The following PTPRK variants were observed in gnomAD, a reference collection of about 807,000 sequenced individuals.
PTPRK encodes protein tyrosine phosphatase receptor type K, also known as receptor-type tyrosine-protein phosphatase kappa.
A neutral mutation model predicts 178.0 loss-of-function variants in PTPRK; 75 were observed. The ratio of observed to expected loss-of-function variants is 0.42; its 90% confidence interval spans 0.35 to 0.51. The LOEUF is 0.51. Among genes scored for constraint, PTPRK ranks in the 20% least tolerant of loss-of-function variants. PTPRK has a pLI of 0.02. For missense variants in PTPRK, 1,441 were observed against 1,797.8 expected, an observed-to-expected ratio of 0.80 and a Z score of 3.59; for synonymous variants, 637 against 620.6, an observed-to-expected ratio of 1.03 and a Z score of -0.39.
chr6:128,466,129 G>A (rs1849815428), intron 1 of PTPRK, among the ~76,000 whole-genome samples: 1 of 151,936 alleles, frequency 6.6e-6, no homozygotes, highest in African/African-American at 2.4e-5. Context: ...TCAGACTAAG[G>A]GAAAAAAATT....
intron 1 of PTPRK, among the ~76,000 whole-genome samples, chr6:128,495,637 C>T (rs1474381155): frequency 6.6e-6 from 1 of 152,174 alleles, no homozygotes; most frequent in Admixed American, 6.5e-5. Flanking sequence ...CAACAATGTC[C>T]TCCTAACTGG....
intron 15 of PTPRK, chr6:128,000,340 G>GA: frequency 1.6e-6 from 2 of 1,270,656 alleles, no homozygotes; most frequent in South Asian, 1.3e-5. Context: ...CCTGGAGAAG[G>GA]GAAAAAAAAA....
chr6:128,040,146 C>T (rs1189620003), intron 13 of PTPRK, among the ~76,000 whole-genome samples: 3 of 152,056 alleles, frequency 2.0e-5, no homozygotes, highest in Admixed American at 6.6e-5. Context: ...CTCTGTTTTC[C>T]TTCTCTCTAT....
chr6:128,451,353 T>C (rs969655560), intron 1 of PTPRK, among the ~76,000 whole-genome samples: 1 of 152,338 alleles, frequency 6.6e-6, no homozygotes, highest in East Asian at 1.9e-4. Context: ...TGCTCACTGA[T>C]AAAGTTTTAG....
intron 1 of PTPRK, among the ~76,000 whole-genome samples, chr6:128,459,992 C>T (rs1050388807): frequency 2.0e-5 from 3 of 151,994 alleles, no homozygotes; most frequent in South Asian, 2.1e-4. Context: ...AGGTACCACA[C>T]AATTTTAACA....
At chr6:128,356,842 A>G (rs775982257) in intron 2 of PTPRK, among the ~76,000 whole-genome samples, 2 of 152,240 alleles carry the variant, frequency 1.3e-5, no homozygotes, top group Admixed American at 1.3e-4. Context: ...GACAACCAGG[A>G]TCAGAGTTGA....
intron 7 of PTPRK, among the ~76,000 whole-genome samples, chr6:128,176,312 A>G (rs149549711): frequency 1.3e-5 from 2 of 152,014 alleles, no homozygotes; most frequent in African/African-American, 2.4e-5. Context: ...AGGTAATAAT[A>G]AACTGTTTTA....
chr6:128,073,323 C>A (rs1783177784), intron 11 of PTPRK, among the ~76,000 whole-genome samples: 1 of 151,874 alleles, frequency 6.6e-6, no homozygotes, highest in African/African-American at 2.4e-5. Flanking sequence ...AAAATAAATT[C>A]AGAAAACCAA....
At chr6:128,056,729 T>C (rs565513577) in intron 13 of PTPRK, among the ~76,000 whole-genome samples, 96 of 152,242 alleles carry the variant, frequency 6.3e-4, no homozygotes, top group Non-Finnish European at 1.2e-3. Flanking sequence ...TGGCTAGAAA[T>C]ATGCTTTTAA....
chr6:128,270,268 T>G (rs1331584736), intron 3 of PTPRK, among the ~76,000 whole-genome samples: 1 of 152,112 alleles, frequency 6.6e-6, no homozygotes, highest in Non-Finnish European at 1.5e-5. Flanking sequence ...AGCAGTAAGA[T>G]TATATTCTAA....
chr6:128,305,725 C>T (rs1411176393), intron 3 of PTPRK, among the ~76,000 whole-genome samples: 1 of 152,126 alleles, frequency 6.6e-6, no homozygotes, highest in Non-Finnish European at 1.5e-5. Flanking sequence ...TAATAGCATC[C>T]TTTAAACTTT....
intron 27 of PTPRK, among the ~76,000 whole-genome samples, chr6:127,975,827 C>T (rs1158872214): frequency 6.6e-6 from 1 of 152,034 alleles, no homozygotes; most frequent in Non-Finnish European, 1.5e-5. Context: ...ATGCCACCAC[C>T]ATGTCCAGCT....
chr6:128,182,771 C>T (rs946343189), intron 7 of PTPRK, among the ~76,000 whole-genome samples: 8 of 152,060 alleles, frequency 5.3e-5, no homozygotes, highest in Non-Finnish European at 1.0e-4. Flanking sequence ...GGCTTCAAAA[C>T]ACAATATTAT....
chr6:128,255,511 C>A (rs752282407), intron 3 of PTPRK, among the ~76,000 whole-genome samples: 5 of 152,154 alleles, frequency 3.3e-5, no homozygotes, highest in Non-Finnish European at 7.3e-5. Flanking sequence ...ACTGAAAGAG[C>A]CACTCAAATG....
intron 1 of PTPRK, among the ~76,000 whole-genome samples, chr6:128,423,338 T>C (rs1480714943): frequency 6.6e-6 from 1 of 152,180 alleles, no homozygotes; most frequent in East Asian, 1.9e-4. Flanking sequence ...AATTATATAC[T>C]GAATATGCTT....
At chr6:128,188,156 C>G (rs1288804017) in intron 6 of PTPRK, among the ~76,000 whole-genome samples, 1 of 152,058 alleles carries the variant, frequency 6.6e-6, no homozygotes, top group East Asian at 1.9e-4. Flanking sequence ...GCCGATGTTA[C>G]CAATTAACTT....
chr6:128,082,851 T>G (rs1582915129), intron 9 of PTPRK, among the ~76,000 whole-genome samples: 1 of 152,112 alleles, frequency 6.6e-6, no homozygotes, highest in South Asian at 2.1e-4. Flanking sequence ...TACACCGGAG[T>G]TATAGCTGAC....
intron 14 of PTPRK, chr6:128,005,944 G>T: frequency 1.9e-6 from 2 of 1,075,740 alleles, no homozygotes; most frequent in East Asian, 3.0e-5. Context: ...CACCAAAATT[G>T]CAAGCATTCT....
At chr6:127,975,607 A>C (rs1774454860) in intron 27 of PTPRK, among the ~76,000 whole-genome samples, 1 of 152,218 alleles carries the variant, frequency 6.6e-6, no homozygotes, top group African/African-American at 2.4e-5. Flanking sequence ...GCTTAATTTC[A>C]TGAAAGTTAC....
Sources: gnomAD v4.1 joint callset for allele counts (sites outside exome capture counted in the v4.1 genomes callset) on GRCh38, gnomAD v4.1.1 for gene constraint, MANE v1.5 for transcripts, NCBI Gene and HGNC (gene_info 2026-07-23, HGNC 2026-07-21) for gene names.